FBXO33: variants seen among roughly 807,000 people sequenced by gnomAD.
The protein encoded by FBXO33 is F-box only protein 33.
FBXO33 carries 22 observed loss-of-function variants against 46.3 expected under a neutral mutation model. The observed-to-expected ratio is 0.48, with a 90% CI of 0.34 to 0.68. FBXO33 has a LOEUF of 0.68. FBXO33 is among the 30% of genes least tolerant of loss of function. The pLI is 0.01. For synonymous variants in FBXO33, 337 were observed against 291.3 expected (o/e 1.16, Z -1.60); for missense variants, 692 against 708.8 (o/e 0.98, Z 0.27).
chr14:39,415,999 G>A (rs2075446886), intron 1 of FBXO33, among the ~76,000 whole-genome samples: 1 of 152,096 alleles, frequency 6.6e-6, no homozygotes, highest in African/African-American at 2.4e-5. Flanking sequence ...TTATATCAGA[G>A]TTACAGTGAT....
intron 1 of FBXO33, among the ~76,000 whole-genome samples, chr14:39,425,598 C>G (rs561296423): frequency 6.6e-6 from 1 of 152,208 alleles, no homozygotes; most frequent in Non-Finnish European, 1.5e-5. Context: ...AGTCCACTTT[C>G]AGTATCATGT....
intron 1 of FBXO33, among the ~76,000 whole-genome samples, chr14:39,412,144 TTGAGAGTTGTGTCTTGA>T (rs2075426271): frequency 6.6e-6 from 1 of 152,246 alleles, no homozygotes; most frequent in Non-Finnish European, 1.5e-5. Context: ...TTATCCATTG[TTGAGAGTTGTGTCTTGA>T]TGTCTTATTT....
chr14:39,432,270 GC>G lies in FBXO33; in HGVS notation c.-109del. 1 of 941,596 alleles carries G rather than the reference GC, an allele frequency of 1.1e-6. No individual in the cohort carries two copies. The highest frequency in any genetic ancestry group is 1.3e-6 in the Non-Finnish European group (1 of 742,568). The allele number at this position is 941,596 out of a possible 1,614,324, so 58.3% of individuals were successfully genotyped here. On this transcript the variant is annotated 5_prime_UTR_variant, in exon 1 of 4. Transcript: ENST00000298097. ...CCTCTGCGGGCGTGGCCTGCCGGGA[GC>G]CAGCCTCTGTCTTCTCAAACTCTAC...
In FBXO33 at chr14:39,399,934, A is replaced by G. The variant is rs1198155720; in HGVS notation, c.1397-147T>C. 4 of 952,190 alleles carry G rather than the reference A, an allele frequency of 4.2e-6. No homozygotes were observed. The African/African-American group carries it at 4.9e-5, about 12-fold the overall frequency. The allele number at this position is 952,190 out of a possible 1,614,324, so 59.0% of individuals were successfully genotyped here. ...TTTGGTCTTTTTCCTTTAGAAATAT[A>G]TTGAAATTGGAAAAGGAAACATGGT... is the stretch of plus-strand genomic sequence containing the variant. On this transcript the variant is annotated intron_variant, in intron 3 of 3. Transcript: ENST00000298097.
intron 1 of FBXO33, among the ~76,000 whole-genome samples, chr14:39,425,425 A>G (rs1337533485): frequency 6.6e-6 from 1 of 152,276 alleles, no homozygotes; most frequent in African/African-American, 2.4e-5. Context: ...GAAACATAAA[A>G]GAACATGGTT....
chr14:39,397,698 GTTTA>G lies in FBXO33; in HGVS notation c.*1814_*1817del, dbSNP rs1217236845. 1.3e-5 allele frequency: 2 copies of G among 152,582 alleles called. No individual in the cohort carries two copies. The highest frequency in any genetic ancestry group is 6.5e-5 in the Admixed American group (1 of 15,276). 9.5% of individuals were successfully genotyped at this position (152,582 alleles called of 1,614,324 possible). ...TATACACAATATAAGGATTATTGCA[GTTTA>G]TTTAACACTAAAAGTAGTCATGCTT... On this transcript the variant is annotated 3_prime_UTR_variant, in exon 4 of 4. Coordinates refer to ENST00000298097, the MANE Select transcript of FBXO33 (RefSeq NM_203301.4).
intron 1 of FBXO33, among the ~76,000 whole-genome samples, chr14:39,424,335 CAACT>C (rs1017580228): frequency 2.6e-5 from 4 of 152,146 alleles, no homozygotes; most frequent in African/African-American, 4.8e-5. Flanking sequence ...CATATATTAC[CAACT>C]GAGATACTGT....
intron 1 of FBXO33, among the ~76,000 whole-genome samples, chr14:39,409,854 T>G (rs1567074631): frequency 3.3e-5 from 5 of 152,354 alleles, no homozygotes; most frequent in Admixed American, 3.3e-4. Flanking sequence ...AATTTCCCGT[T>G]GAATATATAG....
chr14:39,431,107 T>C (rs934165844), intron 1 of FBXO33, among the ~76,000 whole-genome samples: 2 of 151,646 alleles, frequency 1.3e-5, no homozygotes, highest in African/African-American at 2.4e-5. Flanking sequence ...AAATTTCTTT[T>C]AGGCAGCGTC....
At chr14:39,425,946 G>T (rs8005849) in intron 1 of FBXO33, among the ~76,000 whole-genome samples, 143,420 of 152,238 alleles carry the variant, frequency 0.94, 67,615 homozygotes, top group East Asian at 0.96. Flanking sequence ...ACAGTACTCC[G>T]TATTAGCTTT....
At chr14:39,406,520 GGT>G (rs1567073780) in intron 1 of FBXO33, among the ~76,000 whole-genome samples, 1 of 152,272 alleles carries the variant, frequency 6.6e-6, no homozygotes, top group Non-Finnish European at 1.5e-5. Context: ...GAAAAAATGA[GGT>G]GTGTATTATA....
chr14:39,421,849 G>C (rs2075486560), intron 1 of FBXO33, among the ~76,000 whole-genome samples: 1 of 151,446 alleles, frequency 6.6e-6, no homozygotes, highest in South Asian at 2.1e-4. Flanking sequence ...TAACCAAAAA[G>C]GGGAAAAATA....
At chr14:39,424,119 C>T (rs73285598) in intron 1 of FBXO33, among the ~76,000 whole-genome samples, 3,303 of 152,290 alleles carry the variant, frequency 0.022, 127 homozygotes, top group African/African-American at 0.076. Flanking sequence ...TAAAACATGC[C>T]AGTCATACTT....
At chr14:39,412,343 C>A (rs1332058223) in intron 1 of FBXO33, among the ~76,000 whole-genome samples, 1 of 152,110 alleles carries the variant, frequency 6.6e-6, no homozygotes, top group Non-Finnish European at 1.5e-5. Context: ...GACTTAAAGT[C>A]TATTTTCTAA....
At chr14:39,403,794 A>G (rs533724452) in intron 1 of FBXO33, among the ~76,000 whole-genome samples, 4 of 146,836 alleles carry the variant, frequency 2.7e-5, no homozygotes, top group African/African-American at 1.0e-4. Flanking sequence ...TAAATGAAAA[A>G]TACCATTTCT....
intron 1 of FBXO33, among the ~76,000 whole-genome samples, chr14:39,407,604 T>C (rs2075404827): frequency 6.6e-6 from 1 of 152,216 alleles, no homozygotes; most frequent in Non-Finnish European, 1.5e-5. Flanking sequence ...TGTGGGTTCA[T>C]CCAGTTTGTT....
chr14:39,398,672 A>T lies in FBXO33; in HGVS notation c.*844T>A, dbSNP rs538872026. ...GCAGCTGACACGCGTGCTGACAGAG[A>T]AAAATCCAGTGACTTGTTGCTAGGG... On this transcript the variant is annotated 3_prime_UTR_variant, in exon 4 of 4. Transcript: ENST00000298097. The T allele has an allele frequency of 3.3e-5, 5 of 152,644 alleles. No individual in the cohort carries two copies. Among genetic ancestry groups the T allele is most frequent in the Non-Finnish European group, 7.3e-5 (5 of 68,030 alleles). 9.5% of individuals were successfully genotyped at this position (152,644 alleles called of 1,614,324 possible). A position where few individuals can be genotyped will look rare whatever the true frequency, so the allele number is the denominator to read the frequency against.
intron 1 of FBXO33, among the ~76,000 whole-genome samples, chr14:39,428,126 G>A (rs1018450716): frequency 2.6e-5 from 4 of 152,164 alleles, no homozygotes; most frequent in African/African-American, 9.7e-5. Flanking sequence ...CATACAAGCA[G>A]TTAGAGCTGT....
intron 2 of FBXO33, 149 bp from the exon 3 acceptor site, chr14:39,402,010 C>T: frequency 3.2e-6 from 2 of 630,116 alleles, no homozygotes; most frequent in Non-Finnish European, 5.4e-6. Flanking sequence ...ACAGTAAATA[C>T]CATTAAAATT....
Sources: gnomAD v4.1 joint callset for allele counts (sites outside exome capture counted in the v4.1 genomes callset) on GRCh38, gnomAD v4.1.1 for gene constraint, MANE v1.5 for transcripts, NCBI Gene and HGNC (gene_info 2026-07-23, HGNC 2026-07-21) for gene names.